The following C10orf71 variants were observed in gnomAD, a reference collection of about 807,000 sequenced individuals.
The protein encoded by C10orf71 is cardiac-enriched FHL2-interacting protein.
For missense variants in C10orf71, 1,869 were observed against 1,804.5 expected (o/e 1.04, Z -0.65); for synonymous variants, 758 against 726.3 (o/e 1.04, Z -0.70).
chr10:49,298,840 C>G (rs564056580), upstream of C10orf71: 27 of 152,244 alleles, frequency 1.8e-4, no homozygotes, highest in African/African-American at 6.3e-4. Flanking sequence ...CGTCCAGAGC[C>G]GATGATGAAA....
rs559528377 is a variant in C10orf71 at position 49,324,424 on chromosome 10, C to T, written c.1879C>T (p.Pro627Ser). The T allele has an allele frequency of 1.9e-6, 3 of 1,610,232 alleles. No individual in the cohort carries two copies. The African/African-American group carries it at 4.0e-5, about 22-fold the overall frequency. ...GGTGGAAGGAGAGTTGGAGATGGGT[C>T]CTGCCGGATCCAGCTGGTGTCCAGA... ...KEVEGELEMG[P>S]AGSSWCPDSR... is the part of the protein sequence containing the mutation. Residue 627 changes from proline to serine, a missense_variant, in exon 3 of 3, where the codon CCT becomes TCT. Pro to Ser is a moderately conservative substitution (Grantham distance 74, BLOSUM62 -1). Transcript: ENST00000374144.
At chr10:49,304,908 G>A (rs953474512) in intron 1 of C10orf71, among the ~76,000 whole-genome samples, 5 of 152,214 alleles carry the variant, frequency 3.3e-5, no homozygotes, top group Admixed American at 2.6e-4. Context: ...GATCCATAAG[G>A]GGTTTCCACA....
At chr10:49,302,563 G>A (rs1391792709) in intron 1 of C10orf71, among the ~76,000 whole-genome samples, 1 of 152,226 alleles carries the variant, frequency 6.6e-6, no homozygotes, top group Non-Finnish European at 1.5e-5. Flanking sequence ...CCCTCACGGA[G>A]GCAGGCGCCG....
rs745969517 is a variant in C10orf71 at position 49,322,867 on chromosome 10, G to A, written c.322G>A (p.Gly108Arg). 5 of 1,613,942 alleles carry A rather than the reference G, an allele frequency of 3.1e-6. No homozygotes were observed. The highest frequency in any genetic ancestry group is 2.2e-5 in the East Asian group (1 of 44,870). Residue 108 changes from glycine to arginine, a missense_variant, in exon 3 of 3, where the codon GGA becomes AGA. By Grantham distance (125) the Gly-to-Arg change is moderately radical. Coordinates refer to ENST00000374144, the MANE Select transcript of C10orf71 (RefSeq NM_001135196.2). ...CCAACAGCTACCCAAGTACGTTCAGGGAGAGGAAAAGTACCCCAAAACCAG... is the reference window on the plus strand; with the variant it reads ...CCAACAGCTACCCAAGTACGTTCAGAGAGAGGAAAAGTACCCCAAAACCAG... The part of the protein sequence containing the change: ...TFQQLPKYVQ[G>R]EEKYPKTSPP...
At position 49,324,425 on chromosome 10, in the gene C10orf71, C is replaced by G. The variant is rs751427949; in HGVS notation, c.1880C>G (p.Pro627Arg). Residue 627 changes from proline (P) to arginine (R), a missense_variant, in exon 3 of 3, where the codon CCT becomes CGT. Coordinates refer to ENST00000374144, the MANE Select transcript of C10orf71 (RefSeq NM_001135196.2). ...GTGGAAGGAGAGTTGGAGATGGGTC[C>G]TGCCGGATCCAGCTGGTGTCCAGAC... ...KEVEGELEMGPAGSSWCPDSR... is the reference protein window; with the variant it reads ...KEVEGELEMGRAGSSWCPDSR... The G allele has an allele frequency of 1.9e-6, 3 of 1,610,360 alleles. No homozygotes were observed. Among genetic ancestry groups the G allele is most frequent in the Non-Finnish European group, 2.5e-6 (3 of 1,178,120 alleles).
At chr10:49,298,800 G>C (rs1848676460), upstream of C10orf71, 1 of 152,282 alleles carries the variant, frequency 6.6e-6, no homozygotes, top group South Asian at 2.1e-4. Context: ...GCAGAGGACG[G>C]CTCCTTACTC....
At position 49,325,125 on chromosome 10, in the gene C10orf71, C is replaced by T. The variant is rs1454578843; in HGVS notation, c.2580C>T (p.Asn860=). ...ACATGCTGTTTACGATTAAAGACAA[C>T]ACCCTCAGAGCTACCCCCGTAATTA... is the stretch of plus-strand genomic sequence containing the variant. The part of the protein sequence containing the change: ...NRHMLFTIKD[N]TLRATPVIKP... Residue 860 remains asparagine, a synonymous_variant, in exon 3 of 3, where the codon AAC becomes AAT. Coordinates refer to ENST00000374144, the MANE Select transcript of C10orf71 (RefSeq NM_001135196.2). 5 of 1,551,966 alleles carry T rather than the reference C, an allele frequency of 3.2e-6. No individual in the cohort carries two copies.
At chr10:49,318,632 T>G (rs1849039030) in intron 2 of C10orf71, among the ~76,000 whole-genome samples, 3 of 152,120 alleles carry the variant, frequency 2.0e-5, no homozygotes, top group Admixed American at 2.0e-4. Context: ...CTCACCAGAG[T>G]GTTGTGGTCA....
Position 49,327,175 on chromosome 10 carries a change from T to G in C10orf71, c.*322T>G. ...CTCCCTCTCCTGGCCCACCCTGCTCTTCCCTCGCCCTGCAAATTAGGTGGG... is the reference window on the plus strand; with the variant it reads ...CTCCCTCTCCTGGCCCACCCTGCTCGTCCCTCGCCCTGCAAATTAGGTGGG... On this transcript the variant is annotated 3_prime_UTR_variant, in exon 3 of 3. Transcript: ENST00000374144. 3.4e-5 allele frequency: 23 copies of G among 675,566 alleles called. No homozygotes were observed. The highest frequency in any genetic ancestry group is 1.2e-4 in the East Asian group (2 of 16,024). 41.8% of individuals were successfully genotyped at this position (675,566 alleles called of 1,614,324 possible).
In C10orf71 at chr10:49,322,824, G is replaced by A. The variant is rs779774872; in HGVS notation, c.279G>A (p.Ser93=). Reference sequence around the variant, plus strand: ...TACCGTCACAGGGCACGGAACATTCGGGCTGGGCGGCCACCTTCCAACAGC... The same window carrying A: ...TACCGTCACAGGGCACGGAACATTCAGGCTGGGCGGCCACCTTCCAACAGC... ...SQLPSQGTEH[S]GWAATFQQLP... is the part of the protein sequence containing the mutation. The change falls in exon 3 of 3, where the codon TCG becomes TCA. Residue 93 remains serine (S), a synonymous_variant. Transcript: ENST00000374144. The A allele has an allele frequency of 6.5e-5, 105 of 1,613,784 alleles. No homozygotes were observed. Among genetic ancestry groups the A allele is most frequent in the Middle Eastern group, 4.9e-4 (3 of 6,084 alleles).
chr10:49,306,746 G>A (rs1293402671), intron 1 of C10orf71, among the ~76,000 whole-genome samples: 1 of 152,202 alleles, frequency 6.6e-6, no homozygotes, highest in Non-Finnish European at 1.5e-5. Flanking sequence ...CACATGCCAT[G>A]TCCCTCAAGC....
At chr10:49,312,399 G>A (rs1202845827) in intron 1 of C10orf71, among the ~76,000 whole-genome samples, 1 of 152,226 alleles carries the variant, frequency 6.6e-6, no homozygotes, top group Non-Finnish European at 1.5e-5. Context: ...TGCAGAACAT[G>A]GCGCTGTTGA....
chr10:49,321,666 C>T (rs1328685347), intron 2 of C10orf71, among the ~76,000 whole-genome samples: 4 of 152,152 alleles, frequency 2.6e-5, no homozygotes, highest in African/African-American at 9.7e-5. Context: ...ACATTTCCAC[C>T]AACAGTGTAC....
Position 49,326,942 on chromosome 10 carries a change from C to CACACAT in C10orf71, c.*94_*95insTACACA, listed in dbSNP as rs1849270809. 6 of 1,563,190 alleles carry CACACAT rather than the reference C, an allele frequency of 3.8e-6. No homozygotes were observed. Among genetic ancestry groups the CACACAT allele is most frequent in the Non-Finnish European group, 5.2e-6 (6 of 1,155,908 alleles). On this transcript the variant is annotated 3_prime_UTR_variant, in exon 3 of 3. Transcript: ENST00000374144. Reference sequence around the variant, plus strand: ...AACAAGCAACACACACACACACACACACACACACACACACACACACGATCA... The same window carrying CACACAT: ...AACAAGCAACACACACACACACACACACACATACACACACACACACACACACGATCA...
rs780423269 is a variant in C10orf71, at chr10:49,324,678, C to T, written c.2133C>T (p.Tyr711=). 16 of 1,610,934 alleles carry T rather than the reference C, an allele frequency of 9.9e-6. No individual in the cohort carries two copies. The highest frequency in any genetic ancestry group is 2.2e-5 in the South Asian group (2 of 90,638). Residue 711 remains tyrosine (Y), a synonymous_variant, in exon 3 of 3, where the codon TAC becomes TAT. Transcript: ENST00000374144. ...PLSPEEEDVF[Y]SDSQSDFMPS... ...CTCCTGAGGAGGAAGATGTGTTTTA[C>T]AGTGACAGCCAATCCGATTTTATGC...
intron 1 of C10orf71, among the ~76,000 whole-genome samples, chr10:49,305,211 G>A (rs1590323715): frequency 6.6e-6 from 1 of 152,278 alleles, no homozygotes; most frequent in East Asian, 1.9e-4. Flanking sequence ...TATGGAGGCT[G>A]CAAGGTAGCC....
Position 49,324,140 on chromosome 10 carries a change from A to T in C10orf71, c.1595A>T (p.Asp532Val). The T allele has an allele frequency of 6.2e-7, 1 of 1,613,974 alleles. No homozygotes were observed. The highest frequency in any genetic ancestry group is 1.1e-5 in the South Asian group (1 of 91,076). ...GATGAGAAAACTAGAGGTAAGGTTG[A>T]TGGAAAGCAAGAACCTGTGAGCAAC... The part of the protein sequence containing the change: ...VLDEKTRGKV[D>V]GKQEPVSNGV... Residue 532 changes from aspartate to valine, a missense_variant, in exon 3 of 3, where the codon GAT becomes GTT. Asp to Val is a radical substitution (Grantham distance 152, BLOSUM62 -3). Coordinates refer to ENST00000374144, the MANE Select transcript of C10orf71 (RefSeq NM_001135196.2).
chr10:49,322,610 T>C lies in C10orf71; in HGVS notation c.65T>C (p.Leu22Ser), dbSNP rs375223152. ...FSDSSSIGSV[L>S]DDADREVSSL... is the part of the protein sequence containing the mutation. ...GACTCCTCCAGCATCGGCAGCGTGT[T>C]GGATGATGCAGACAGGGAGGTGAGC... The change falls in exon 3 of 3, where the codon TTG (leucine) becomes TCG (serine). Residue 22 changes from leucine to serine, a missense_variant. Leu to Ser is a moderately radical substitution (Grantham distance 145). Transcript: ENST00000374144. The C allele has an allele frequency of 1.2e-5, 19 of 1,612,950 alleles. No homozygotes were observed. The highest frequency in any genetic ancestry group is 1.6e-5 in the Non-Finnish European group (19 of 1,179,446).
chr10:49,311,268 T>C (rs1288533186), intron 1 of C10orf71, among the ~76,000 whole-genome samples: 2 of 152,176 alleles, frequency 1.3e-5, no homozygotes, highest in African/African-American at 2.4e-5. Context: ...GCTTGGCATG[T>C]AGGAGTTGTG....
Sources: gnomAD v4.1 joint callset for allele counts (sites outside exome capture counted in the v4.1 genomes callset) on GRCh38, gnomAD v4.1.1 for gene constraint, MANE v1.5 for transcripts, NCBI Gene and HGNC (gene_info 2026-07-23, HGNC 2026-07-21) for gene names.